FOSL2: variants seen among roughly 807,000 people sequenced by gnomAD.
The protein encoded by FOSL2 is FOS like 2, AP-1 transcription factor subunit, also known as fos-related antigen 2.
A neutral mutation model predicts 27.7 loss-of-function variants in FOSL2; 3 were observed. The observed-to-expected ratio is 0.11, with a 90% CI of 0.05 to 0.28. The LOEUF (loss-of-function observed/expected upper bound fraction) is 0.28, where lower values mean the gene tolerates loss of function less well. Ranked by LOEUF, FOSL2 falls within the 10% of genes least tolerant of loss-of-function variation. The pLI is 1.00. For missense variants in FOSL2, 333 were observed against 445.1 expected (o/e 0.75, Z 2.27); for synonymous variants, 179 against 190.1 (o/e 0.94, Z 0.48).
chr2:28,413,524 C>G lies in FOSL2; in HGVS notation c.*1076C>G, dbSNP rs556768160. 2.5e-6 allele frequency: 1 copy of G among 398,732 alleles called. No individual in the cohort carries two copies. Among genetic ancestry groups the G allele is most frequent in the African/African-American group, 2.1e-5 (1 of 48,766 alleles). 24.7% of individuals were successfully genotyped at this position (398,732 alleles called of 1,614,324 possible). A position where few individuals can be genotyped will look rare whatever the true frequency, so the allele number is the denominator to read the frequency against. Reference sequence around the variant, plus strand: ...TGGACCTTCCCCAGATGCTGCCAGGCAGCCCCTCCCCAAGCCTCAAAGAAG... The same window carrying G: ...TGGACCTTCCCCAGATGCTGCCAGGGAGCCCCTCCCCAAGCCTCAAAGAAG... On this transcript the variant is annotated 3_prime_UTR_variant, in exon 4 of 4. Transcript: ENST00000264716.
intron 3 of FOSL2, 156 bp from the exon 4 acceptor site, chr2:28,411,774 T>G (rs1168998877): frequency 1.4e-6 from 1 of 716,042 alleles, no homozygotes; most frequent in Non-Finnish European, 2.4e-6. Context: ...ATCTTGAGCC[T>G]CCAGGTGACT....
In FOSL2 at chr2:28,412,491, GCTC is replaced by G. The variant is rs1664225389; in HGVS notation, c.*49_*51del. 6.4e-7 allele frequency: 1 copy of G among 1,572,854 alleles called. No individual in the cohort carries two copies. The highest frequency in any genetic ancestry group is 1.3e-5 in the African/African-American group (1 of 74,536). On this transcript the variant is annotated 3_prime_UTR_variant, in exon 4 of 4. Coordinates refer to ENST00000264716, the MANE Select transcript of FOSL2 (RefSeq NM_005253.4). The surrounding 1 kb of genome is among the most constrained non-coding windows in gnomAD (Gnocchi z 7.1). The stretch of plus-strand genomic sequence containing the variant: ...CCCAGCTCCGGAGGGGGTCCTCCTC[GCTC>G]CTCCTTCCCAGGGACCAGCACCTTC...
chr2:28,399,004 A>G (rs922217850), intron 1 of FOSL2, among the ~76,000 whole-genome samples: 6 of 152,216 alleles, frequency 3.9e-5, no homozygotes, highest in African/African-American at 1.2e-4. Context: ...TTGGGAGCCA[A>G]TCTTCTAGGA....
rs2148073867 is a variant in FOSL2, at chr2:28,393,798, C to T, written c.78C>T (p.Tyr26=). Residue 26 remains tyrosine (Y), a synonymous_variant, in exon 1 of 4, where the codon TAC becomes TAT. Transcript: ENST00000264716. This position sits in a 1 kb window ranked among gnomAD's most constrained non-coding sequence, Gnocchi z 4.6. Reference sequence around the variant, plus strand: ...GCTCTCCTGCGCACGCCGAGTCCTACTCCAGCGGCGGCGGCGGCCAGCAGG... The same window carrying T: ...GCTCTCCTGCGCACGCCGAGTCCTATTCCAGCGGCGGCGGCGGCCAGCAGG... The part of the protein sequence containing the change: ...SSGSPAHAES[Y]SSGGGGQQKF... The T allele has an allele frequency of 1.2e-6, 2 of 1,603,868 alleles. No homozygotes were observed. Among genetic ancestry groups the T allele is most frequent in the East Asian group, 2.3e-5 (1 of 44,278 alleles).
Position 28,393,665 on chromosome 2 carries a change from G to C in FOSL2, c.-56G>C. The C allele has an allele frequency of 7.5e-7, 1 of 1,341,126 alleles. No homozygotes were observed. The highest frequency in any genetic ancestry group is 1.0e-6 in the Non-Finnish European group (1 of 964,726). The allele number at this position is 1,341,126 out of a possible 1,614,324, so 83.1% of individuals were successfully genotyped here. A position where few individuals can be genotyped will look rare whatever the true frequency, so the allele number is the denominator to read the frequency against. Reference sequence around the variant, plus strand: ...CGCGCAGCAGCCGGTGCGCGGCCGCGGCGAGGGCGGGGGAAGAAAAACACC... The same window carrying C: ...CGCGCAGCAGCCGGTGCGCGGCCGCCGCGAGGGCGGGGGAAGAAAAACACC... On this transcript the variant is annotated 5_prime_UTR_variant, in exon 1 of 4. Coordinates refer to ENST00000264716, the MANE Select transcript of FOSL2 (RefSeq NM_005253.4). The surrounding 1 kb of genome is among the most constrained non-coding windows in gnomAD (Gnocchi z 4.6).
chr2:28,399,301 C>T (rs989467530), intron 1 of FOSL2, among the ~76,000 whole-genome samples: 1 of 152,214 alleles, frequency 6.6e-6, no homozygotes, highest in African/African-American at 2.4e-5. Flanking sequence ...CGGCCCCATC[C>T]GGTCCTGTAG....
Position 28,415,239 on chromosome 2 carries a change from C to T in FOSL2, c.*2791C>T, listed in dbSNP as rs1446318416. On this transcript the variant is annotated 3_prime_UTR_variant, in exon 4 of 4. Transcript: ENST00000264716. ...GGCGCTCTGATCAGCTCGTGTAAAA[C>T]ACACCGTCTTCTTGGCCTCCTGGCC... 6.6e-6 allele frequency: 1 copy of T among 152,306 alleles called. No individual in the cohort carries two copies. The highest frequency in any genetic ancestry group is 2.4e-5 in the African/African-American group (1 of 41,472). 9.4% of individuals were successfully genotyped at this position (152,306 alleles called of 1,614,324 possible).
At chr2:28,407,917 A>G (rs1197999385) in intron 2 of FOSL2, among the ~76,000 whole-genome samples, 1 of 152,238 alleles carries the variant, frequency 6.6e-6, no homozygotes, top group African/African-American at 2.4e-5. Context: ...CACTGGAAGA[A>G]GCTAGATCCT....
At chr2:28,407,102 T>A (rs1049567718) in intron 2 of FOSL2, among the ~76,000 whole-genome samples, 4 of 152,194 alleles carry the variant, frequency 2.6e-5, no homozygotes, top group Admixed American at 2.0e-4. Flanking sequence ...CCAAAAGTTG[T>A]CCAGAAGCAG....
chr2:28,408,835 G>A lies in FOSL2; in HGVS notation c.431G>A (p.Arg144Gln). 1 of 1,611,066 alleles carries A rather than the reference G, an allele frequency of 6.2e-7. No individual in the cohort carries two copies. The highest frequency in any genetic ancestry group is 2.2e-5 in the East Asian group (1 of 44,676). The change falls in exon 3 of 4, where the codon CGA becomes CAA. Residue 144 changes from arginine to glutamine, a missense_variant. Physicochemically the swap from Arg to Gln is conservative, Grantham distance 43. Transcript: ENST00000264716. This position sits in a 1 kb window ranked among gnomAD's most constrained non-coding sequence, Gnocchi z 4.1. Reference protein sequence around the residue: ...NKLAAAKCRNRRRELTEKLQA... With the variant: ...NKLAAAKCRNQRRELTEKLQA... ...CTGGCTGCAGCCAAGTGCCGGAACC[G>A]ACGCCGGGAGCTGACAGAGAAGCTG...
At position 28,413,627 on chromosome 2, in the gene FOSL2, C is replaced by T. The variant is rs985289306; in HGVS notation, c.*1179C>T. ...GTGGCGTCTGCAGCAGCTGCTGCCC[C>T]AGCACCCGCTCAGCCTGTCCTGGCT... On this transcript the variant is annotated 3_prime_UTR_variant, in exon 4 of 4. Coordinates refer to ENST00000264716, the MANE Select transcript of FOSL2 (RefSeq NM_005253.4). 5.8e-5 allele frequency: 23 copies of T among 398,790 alleles called. No individual in the cohort carries two copies. Among genetic ancestry groups the T allele is most frequent in the Non-Finnish European group, 9.3e-5 (21 of 226,304 alleles). The allele number at this position is 398,790 out of a possible 1,614,324, so 24.7% of individuals were successfully genotyped here.
rs749239418 is a variant in FOSL2, at chr2:28,393,534, AC to A, written c.-186del. The A allele has an allele frequency of 1.8e-6, 1 of 556,560 alleles. No individual in the cohort carries two copies. The highest frequency in any genetic ancestry group is 2.2e-5 in the South Asian group (1 of 45,258). 34.5% of individuals were successfully genotyped at this position (556,560 alleles called of 1,614,324 possible). On this transcript the variant is annotated 5_prime_UTR_variant, in exon 1 of 4. Coordinates refer to ENST00000264716, the MANE Select transcript of FOSL2 (RefSeq NM_005253.4). This position sits in a 1 kb window ranked among gnomAD's most constrained non-coding sequence, Gnocchi z 4.6. ...AAGTGCTGTAAGGGACGCTCGGGGGACGCTGTTCCTGAGGTGTCGCCGCCTC... is the reference window on the plus strand; with the variant it reads ...AAGTGCTGTAAGGGACGCTCGGGGGAGCTGTTCCTGAGGTGTCGCCGCCTC...
chr2:28,413,846 G>A lies in FOSL2; in HGVS notation c.*1398G>A. The A allele has an allele frequency of 2.5e-6, 1 of 398,888 alleles. No individual in the cohort carries two copies. Among genetic ancestry groups the A allele is most frequent in the Non-Finnish European group, 4.4e-6 (1 of 226,258 alleles). The allele number at this position is 398,888 out of a possible 1,614,324, so 24.7% of individuals were successfully genotyped here. ...TGTGGCTCATGCGCCATTCCTGGTT[G>A]TCTGTTGAATCTTTCTGGCTGCTGG... is the stretch of plus-strand genomic sequence containing the variant. On this transcript the variant is annotated 3_prime_UTR_variant, in exon 4 of 4. Coordinates refer to ENST00000264716, the MANE Select transcript of FOSL2 (RefSeq NM_005253.4).
chr2:28,412,389 A>G lies in FOSL2; in HGVS notation c.922A>G (p.Ser308Gly), dbSNP rs1664223235. The G allele has an allele frequency of 1.2e-6, 2 of 1,607,136 alleles. No individual in the cohort carries two copies. Among genetic ancestry groups the G allele is most frequent in the Non-Finnish European group, 1.7e-6 (2 of 1,179,984 alleles). Residue 308 changes from serine to glycine, a missense_variant, in exon 4 of 4, where the codon AGT becomes GGT. This residue lies in a region of FOSL2 where 26 missense variants were observed against 59.3 expected (regional missense o/e 0.44). Transcript: ENST00000264716. This position sits in a 1 kb window ranked among gnomAD's most constrained non-coding sequence, Gnocchi z 7.1. ...CTGCTCCAAGGCTCACCGCAGAAGC[A>G]GTAGCAGCGGGGACCAATCATCAGA... ...ESCSKAHRRS[S>G]SSGDQSSDSL... is the part of the protein sequence containing the mutation.
chr2:28,402,925 A>ATCT (rs1664004884), intron 1 of FOSL2, among the ~76,000 whole-genome samples: 1 of 152,196 alleles, frequency 6.6e-6, no homozygotes, highest in African/African-American at 2.4e-5. Context: ...TCACTCAGAG[A>ATCT]GAGAATTAGT....
chr2:28,412,135 A>G lies in FOSL2; in HGVS notation c.668A>G (p.Gln223Arg), dbSNP rs773795996. The part of the protein sequence containing the change: ...GGSVGAVVVK[Q>R]EPLEEDSPSS... The stretch of plus-strand genomic sequence containing the variant: ...TCGGTGGGCGCTGTAGTGGTGAAAC[A>G]GGAGCCCCTGGAAGAGGACAGCCCC... Residue 223 changes from glutamine to arginine, a missense_variant, in exon 4 of 4, where the codon CAG (glutamine) becomes CGG (arginine). Physicochemically the swap from Gln to Arg is conservative, Grantham distance 43. Coordinates refer to ENST00000264716, the MANE Select transcript of FOSL2 (RefSeq NM_005253.4). The surrounding 1 kb of genome is among the most constrained non-coding windows in gnomAD (Gnocchi z 7.1). 6.2e-7 allele frequency: 1 copy of G among 1,606,022 alleles called. No individual in the cohort carries two copies. Among genetic ancestry groups the G allele is most frequent in the Non-Finnish European group, 8.5e-7 (1 of 1,177,028 alleles).
Position 28,402,545 on chromosome 2 carries a change from C to T in FOSL2, c.103-1562C>T, listed in dbSNP as rs1391930689. 2.0e-5 allele frequency among the ~76,000 whole-genome samples: 3 copies of T among 152,224 alleles called. No homozygotes were observed. The East Asian group carries it at 5.8e-4, about 29-fold the overall frequency. On this transcript the variant is annotated intron_variant, in intron 1 of 3. Transcript: ENST00000264716. ...TTCCATTGCTGCGAATGCTTCTATCCTAGTTGGTCTGATTGGACCAGCATA... is the reference window on the plus strand; with the variant it reads ...TTCCATTGCTGCGAATGCTTCTATCTTAGTTGGTCTGATTGGACCAGCATA...
chr2:28,406,357 C>T (rs539852293), intron 2 of FOSL2, among the ~76,000 whole-genome samples: 12 of 152,254 alleles, frequency 7.9e-5, no homozygotes, highest in African/African-American at 2.6e-4. Flanking sequence ...CCACCGCGCC[C>T]GGCCACGCTC....
chr2:28,397,919 C>T lies in FOSL2; in HGVS notation c.102+4097C>T, dbSNP rs181338650. On this transcript the variant is annotated intron_variant, in intron 1 of 3. Transcript: ENST00000264716. ...AAATTACCAAAAGCCTCTTTGGAGC[C>T]GAGTCTGACATACAAGTCTGGATGA... Among the ~76,000 whole-genome samples the T allele has an allele frequency of 2.0e-3, 300 of 152,280 alleles. 2 individuals are homozygous for T. The highest frequency in any genetic ancestry group is 6.6e-3 in the African/African-American group (273 of 41,552).
Sources: allele counts gnomAD v4.1 joint callset (sites outside exome capture counted in the v4.1 genomes callset), GRCh38; gene constraint gnomAD v4.1.1; regional missense constraint gnomAD v4.1.1; non-coding constraint Gnocchi (gnomAD v3.1); transcripts MANE v1.5; gene names NCBI Gene and HGNC (gene_info 2026-07-23, HGNC 2026-07-21).